WRAP53: variants seen among roughly 807,000 people sequenced by gnomAD.
WRAP53 encodes telomerase Cajal body protein 1.
Under a neutral mutation model 56.6 loss-of-function variants are expected in WRAP53, and 28 were observed. That is an observed-to-expected ratio of 0.50 (90% CI 0.37 to 0.68). The LOEUF (loss-of-function observed/expected upper bound fraction) is 0.68. Among genes scored for constraint, WRAP53 ranks in the 30% least tolerant of loss-of-function variants. WRAP53 has a pLI of 0.00. For synonymous variants in WRAP53, 283 were observed against 283.4 expected (o/e 1.00, Z 0.01); for missense variants, 671 against 715.5 (o/e 0.94, Z 0.71).
chr17:7,689,859 T>G (rs958480111), intron 4 of WRAP53, among the ~76,000 whole-genome samples, 158 bp downstream of exon 4: 5 of 152,248 alleles, frequency 3.3e-5, no homozygotes, highest in Admixed American at 6.5e-5. Flanking sequence ...ATTCTGAAGT[T>G]ATTTAGAGAG....
chr17:7,700,647 A>G, intron 4 of WRAP53, 94 bp from the exon 5 acceptor site: 2 of 829,258 alleles, frequency 2.4e-6, no homozygotes. Context: ...TGTGCTCCAT[A>G]TATACACCCC....
rs747887016 is a variant in WRAP53 at position 7,701,639 on chromosome 17, GC to G, written c.823-15del. Reference sequence around the variant, plus strand: ...TGAGGCTTTGCAAGACCTGTTTTCAGCCCTTTCCTTCCCCCAGGATGAGCTG... The same window carrying G: ...TGAGGCTTTGCAAGACCTGTTTTCAGCCTTTCCTTCCCCCAGGATGAGCTG... On this transcript the variant is annotated splice_polypyrimidine_tract_variant and intron_variant, in intron 6 of 10. Transcript: ENST00000396463. This position sits in a 1 kb window ranked among gnomAD's most constrained non-coding sequence, Gnocchi z 4.2. The G allele has an allele frequency of 2.2e-5, 36 of 1,614,242 alleles. No individual in the cohort carries two copies. Among genetic ancestry groups the G allele is most frequent in the Non-Finnish European group, 3.1e-5 (36 of 1,180,052 alleles).
At chr17:7,697,047 A>T (rs1237718722) in intron 4 of WRAP53, among the ~76,000 whole-genome samples, 1 of 152,170 alleles carries the variant, frequency 6.6e-6, no homozygotes, top group Non-Finnish European at 1.5e-5. Flanking sequence ...ACGGCTGGGC[A>T]TGGTGGCTCA....
rs1459214220 is a variant in WRAP53, at chr17:7,702,167, C to T, written c.956-177C>T. 2.7e-6 allele frequency: 2 copies of T among 748,794 alleles called. No homozygotes were observed. The highest frequency in any genetic ancestry group is 4.5e-6 in the Non-Finnish European group (2 of 440,468). 46.4% of individuals were successfully genotyped at this position (748,794 alleles called of 1,614,324 possible). A position where few individuals can be genotyped will look rare whatever the true frequency, so the allele number is the denominator to read the frequency against. On this transcript the variant is annotated intron_variant, in intron 7 of 10. Transcript: ENST00000396463. The surrounding 1 kb of genome is among the most constrained non-coding windows in gnomAD (Gnocchi z 5.0). ...GAAGTGGGGCTTGGGCATTTAGGTC[C>T]TTTGGGAGGATAGATGTGGGGAGCA... is the stretch of plus-strand genomic sequence containing the variant.
Position 7,702,116 on chromosome 17 carries a change from AG to A in WRAP53, c.956-226del, listed in dbSNP as rs2151096760. On this transcript the variant is annotated intron_variant, in intron 7 of 10. Transcript: ENST00000396463. This position sits in a 1 kb window ranked among gnomAD's most constrained non-coding sequence, Gnocchi z 5.0. ...TAGGCCTTCAACTTGCATCTCTCCA[AG>A]GAAGAACTGGGATTTGAGAGGGATG... 1.4e-6 allele frequency: 1 copy of A among 697,338 alleles called. No homozygotes were observed. Among genetic ancestry groups the A allele is most frequent in the South Asian group, 1.6e-5 (1 of 60,748 alleles). The allele number at this position is 697,338 out of a possible 1,614,324, so 43.2% of individuals were successfully genotyped here. A position where few individuals can be genotyped will look rare whatever the true frequency, so the allele number is the denominator to read the frequency against.
chr17:7,689,293 A>G lies in WRAP53; in HGVS notation c.501A>G (p.Gln167=). ...GTTCCTGGTCAGAGTTCAGCACCCA[A>G]CCTGAGAACTTCTTGAAAGGCTGTA... ...LSGSWSEFST[Q]PENFLKGCKW... Residue 167 remains glutamine (Q), a synonymous_variant, in exon 3 of 11, where the codon CAA becomes CAG. Coordinates refer to ENST00000396463, the MANE Select transcript of WRAP53 (RefSeq NM_001143992.2). 6.2e-7 allele frequency: 1 copy of G among 1,613,692 alleles called. No homozygotes were observed. Among genetic ancestry groups the G allele is most frequent in the Non-Finnish European group, 8.5e-7 (1 of 1,179,898 alleles).
chr17:7,699,883 C>T (rs1193800196), intron 4 of WRAP53, among the ~76,000 whole-genome samples: 1 of 150,606 alleles, frequency 6.6e-6, no homozygotes, highest in Non-Finnish European at 1.5e-5. Context: ...TACAGGCATG[C>T]ACTACCATGC....
At chr17:7,692,585 C>T (rs2074126455) in intron 4 of WRAP53, among the ~76,000 whole-genome samples, 1 of 137,444 alleles carries the variant, frequency 7.3e-6, no homozygotes, top group African/African-American at 2.7e-5. Context: ...TGCACCACTG[C>T]ACTCCAGTCC....
chr17:7,692,568 C>G (rs1007602936), intron 4 of WRAP53, among the ~76,000 whole-genome samples: 6 of 146,612 alleles, frequency 4.1e-5, no homozygotes, highest in African/African-American at 1.5e-4. Flanking sequence ...TTGCAGTGAG[C>G]CAGGATTGCA....
rs1278789682 is a variant in WRAP53 at position 7,702,814 on chromosome 17, C to T, written c.1236C>T (p.Thr412=). Reference sequence around the variant, plus strand: ...TGTGGTCCCTGGGTCGAGAGGTGACCACCAATCAGCGCATCTACTTCGATC... The same window carrying T: ...TGTGGTCCCTGGGTCGAGAGGTGACTACCAATCAGCGCATCTACTTCGATC... ...YPLWSLGREV[T]TNQRIYFDLD... The change falls in exon 9 of 11, where the codon ACC becomes ACT. Residue 412 remains threonine, a synonymous_variant. Coordinates refer to ENST00000396463, the MANE Select transcript of WRAP53 (RefSeq NM_001143992.2). The surrounding 1 kb of genome is among the most constrained non-coding windows in gnomAD (Gnocchi z 5.0). The T allele has an allele frequency of 1.9e-6, 3 of 1,613,936 alleles. No homozygotes were observed. The highest frequency in any genetic ancestry group is 2.2e-5 in the South Asian group (2 of 91,086).
chr17:7,696,980 C>G (rs1307819817), intron 4 of WRAP53, among the ~76,000 whole-genome samples: 1 of 152,192 alleles, frequency 6.6e-6, no homozygotes, highest in Non-Finnish European at 1.5e-5. Context: ...GCCCAGAAGA[C>G]AACTGACGAA....
rs962931719 is a variant in WRAP53, at chr17:7,702,682, G to A, written c.1165-61G>A. The A allele has an allele frequency of 7.5e-6, 12 of 1,602,454 alleles. No homozygotes were observed. The highest frequency in any genetic ancestry group is 4.0e-5 in the African/African-American group (3 of 74,788). ...AGCTGAAGGAGTGCCTGGAGACCCC[G>A]AGGGAGGCAGGGACATCCAGGGCTT... On this transcript the variant is annotated intron_variant, in intron 8 of 10. Coordinates refer to ENST00000396463, the MANE Select transcript of WRAP53 (RefSeq NM_001143992.2). The surrounding 1 kb of genome is among the most constrained non-coding windows in gnomAD (Gnocchi z 5.0).
chr17:7,697,099 T>C (rs925381958), intron 4 of WRAP53, among the ~76,000 whole-genome samples: 5 of 151,928 alleles, frequency 3.3e-5, no homozygotes, highest in Non-Finnish European at 7.4e-5. Context: ...GGCAGGTGGA[T>C]CACCCGAGGT....
Position 7,689,267 on chromosome 17 carries a change from G to C in WRAP53, c.475G>C (p.Gly159Arg). The change falls in exon 3 of 11, where the codon GGT becomes CGT. Residue 159 changes from glycine to arginine, a missense_variant. By Grantham distance (125) the Gly-to-Arg change is moderately radical (BLOSUM62 -2). Around this residue, in one of 3 missense-constraint regions of WRAP53, gnomAD observed 406 missense variants for 418.5 expected, o/e 0.97. Coordinates refer to ENST00000396463, the MANE Select transcript of WRAP53 (RefSeq NM_001143992.2). ...CTCCCAGCTGCCTCGATTTCTCAGTGGTTCCTGGTCAGAGTTCAGCACCCA... is the reference window on the plus strand; with the variant it reads ...CTCCCAGCTGCCTCGATTTCTCAGTCGTTCCTGGTCAGAGTTCAGCACCCA... ...SFSQLPRFLS[G>R]SWSEFSTQPE... 2 of 1,614,002 alleles carry C rather than the reference G, an allele frequency of 1.2e-6. No individual in the cohort carries two copies. Among genetic ancestry groups the C allele is most frequent in the Non-Finnish European group, 1.7e-6 (2 of 1,180,002 alleles).
chr17:7,700,925 G>A, intron 5 of WRAP53, 96 bp downstream of exon 5: 1 of 911,466 alleles, frequency 1.1e-6, no homozygotes, highest in African/African-American at 1.6e-5. Context: ...CTTTGGAGGA[G>A]GAAGGCTTGG....
rs1156897458 is a variant in WRAP53 at position 7,689,079 on chromosome 17, C to T, written c.431C>T (p.Thr144Ile). The T allele has an allele frequency of 6.2e-7, 1 of 1,614,080 alleles. No individual in the cohort carries two copies. The highest frequency in any genetic ancestry group is 1.7e-5 in the Admixed American group (1 of 59,996). Reference sequence around the variant, plus strand: ...CCCGCTGCAGAGGACGAGGGAGACACGTAAGTGGTGATGGCAGTGGAGTGT... The same window carrying T: ...CCCGCTGCAGAGGACGAGGGAGACATGTAAGTGGTGATGGCAGTGGAGTGT... Reference protein sequence around the residue: ...GEPAAEDEGDTAWNYSFSQLP... With the variant: ...GEPAAEDEGDIAWNYSFSQLP... The change falls in exon 2 of 11, where the codon ACC (threonine) becomes ATC (isoleucine). Residue 144 changes from threonine to isoleucine, a missense_variant and splice_region_variant. Physicochemically the swap from Thr to Ile is moderately conservative, Grantham distance 89 (BLOSUM62 -1). Transcript: ENST00000396463.
chr17:7,688,692 C>G lies in WRAP53; in HGVS notation c.44C>G (p.Pro15Arg). 6.2e-7 allele frequency: 1 copy of G among 1,614,216 alleles called. No homozygotes were observed. The highest frequency in any genetic ancestry group is 8.5e-7 in the Non-Finnish European group (1 of 1,180,048). The change falls in exon 2 of 11, where the codon CCT (proline) becomes CGT (arginine). Residue 15 changes from proline to arginine, a missense_variant. Pro to Arg is a moderately radical substitution (Grantham distance 103). Coordinates refer to ENST00000396463, the MANE Select transcript of WRAP53 (RefSeq NM_001143992.2). Reference protein sequence around the residue: ...ETQPLAPDCCPSDQDPAPAHP... With the variant: ...ETQPLAPDCCRSDQDPAPAHP... ...CAACCGTTAGCTCCGGACTGCTGTCCTTCAGACCAGGACCCAGCTCCAGCC... is the reference window on the plus strand; with the variant it reads ...CAACCGTTAGCTCCGGACTGCTGTCGTTCAGACCAGGACCCAGCTCCAGCC...
intron 4 of WRAP53, among the ~76,000 whole-genome samples, chr17:7,690,766 G>T (rs2074097226): frequency 6.6e-6 from 1 of 151,580 alleles, no homozygotes; most frequent in Admixed American, 6.6e-5. Context: ...ACCAAAATTA[G>T]ACGCATGTGG....
At chr17:7,687,810 C>T (rs961321990), upstream of WRAP53, 2 of 394,122 alleles carry the variant, frequency 5.1e-6, no homozygotes, top group African/African-American at 4.1e-5. Context: ...AGGAAGAAAG[C>T]TTTTGCGTTT....
Sources: allele counts gnomAD v4.1 joint callset (sites outside exome capture counted in the v4.1 genomes callset), GRCh38; gene constraint gnomAD v4.1.1; regional missense constraint gnomAD v4.1.1; non-coding constraint Gnocchi (gnomAD v3.1); transcripts MANE v1.5; gene names NCBI Gene and HGNC (gene_info 2026-07-23, HGNC 2026-07-21).